The following DNER variants were observed in gnomAD, a reference collection of about 807,000 sequenced individuals.
The protein encoded by DNER is delta/notch like EGF repeat containing, also known as delta and Notch-like epidermal growth factor-related receptor.
In DNER, 33 loss-of-function variants were observed where a neutral mutation model predicts 78.2. The observed-to-expected ratio is 0.42, with a 90% CI of 0.32 to 0.56. The LOEUF (loss-of-function observed/expected upper bound fraction) is 0.56. Ranked by LOEUF, DNER falls within the 20% of genes least tolerant of loss-of-function variation. DNER has a pLI of 0.11. For missense variants in DNER, 918 were observed against 975.3 expected (o/e 0.94, Z 0.78); for synonymous variants, 417 against 384.8 (o/e 1.08, Z -0.98).
At chr2:229,581,670 T>A (rs370683224) in intron 4 of DNER, among the ~76,000 whole-genome samples, 6 of 152,128 alleles carry the variant, frequency 3.9e-5, no homozygotes, top group African/African-American at 1.4e-4. Context: ...CATAAAGAAA[T>A]GAACTGTAGT....
intron 11 of DNER, among the ~76,000 whole-genome samples, chr2:229,384,457 T>A (rs1329314432): frequency 6.6e-6 from 1 of 151,980 alleles, no homozygotes; most frequent in East Asian, 1.9e-4. Flanking sequence ...CTTCAAAAAA[T>A]CAAGGAATCC....
chr2:229,646,693 C>G (rs1211139613), intron 1 of DNER, among the ~76,000 whole-genome samples: 1 of 152,256 alleles, frequency 6.6e-6, no homozygotes, highest in Non-Finnish European at 1.5e-5. Context: ...GTTATTGGCA[C>G]AACCTTCTGA....
chr2:229,608,913 T>C (rs976587719), intron 1 of DNER, among the ~76,000 whole-genome samples: 2 of 152,216 alleles, frequency 1.3e-5, no homozygotes, highest in African/African-American at 2.4e-5. Context: ...TAGTTCATAA[T>C]AAAGATTTTA....
intron 8 of DNER, among the ~76,000 whole-genome samples, chr2:229,431,911 T>C (rs1380338441): frequency 6.6e-6 from 1 of 152,214 alleles, no homozygotes; most frequent in Non-Finnish European, 1.5e-5. Flanking sequence ...TAATAAAACA[T>C]AACATTCAAA....
chr2:229,403,661 G>A (rs1182040331), intron 10 of DNER, among the ~76,000 whole-genome samples: 1 of 152,132 alleles, frequency 6.6e-6, no homozygotes, highest in Non-Finnish European at 1.5e-5. Flanking sequence ...ACTTCAGTGA[G>A]TCCCACTGCG....
At chr2:229,525,010 C>G (rs983899417) in intron 5 of DNER, among the ~76,000 whole-genome samples, 3 of 152,210 alleles carry the variant, frequency 2.0e-5, no homozygotes, top group Non-Finnish European at 4.4e-5. Flanking sequence ...CTCCATGCAT[C>G]ACTCTGATGT....
rs572087154 is a variant in DNER, at chr2:229,440,017, A to G, written c.1486+7299T>C. On this transcript the variant is annotated intron_variant, in intron 8 of 12. Coordinates refer to ENST00000341772, the MANE Select transcript of DNER (RefSeq NM_139072.4). ...AGTGGTGGGAGCAGAAATCCCTTAC[A>G]ATTAAAGACCAGTTCATTAACGTTT... Among the ~76,000 whole-genome samples the G allele has an allele frequency of 5.9e-5, 9 of 152,326 alleles. No homozygotes were observed. In the South Asian group the frequency reaches 1.9e-3, roughly 32 times the overall value.
chr2:229,674,873 G>T lies in DNER; in HGVS notation c.276+39275C>A, dbSNP rs1205634491. ...CCTGAGACGTAAGGTCATACAGATTGCAAATGGTGACTTCTGTCTTCACTC... is the reference window on the plus strand; with the variant it reads ...CCTGAGACGTAAGGTCATACAGATTTCAAATGGTGACTTCTGTCTTCACTC... On this transcript the variant is annotated intron_variant, in intron 1 of 12. Coordinates refer to ENST00000341772, the MANE Select transcript of DNER (RefSeq NM_139072.4). Among the ~76,000 whole-genome samples, 5 of 152,196 alleles carry T rather than the reference G, an allele frequency of 3.3e-5. No homozygotes were observed. In the South Asian group the frequency reaches 1.0e-3, roughly 32 times the overall value.
intron 1 of DNER, among the ~76,000 whole-genome samples, chr2:229,616,094 AC>A (rs1467511934): frequency 4.6e-5 from 7 of 152,238 alleles, no homozygotes; most frequent in Non-Finnish European, 8.8e-5. Flanking sequence ...AAACTGATAA[AC>A]TTAAATTAAT....
intron 1 of DNER, among the ~76,000 whole-genome samples, chr2:229,711,175 G>C (rs1273354199): frequency 1.3e-5 from 2 of 152,208 alleles, no homozygotes; most frequent in East Asian, 1.9e-4. Context: ...GCACAGGGCA[G>C]GAGTTTGCAT....
intron 1 of DNER, among the ~76,000 whole-genome samples, chr2:229,699,675 C>A (rs1699712815): frequency 6.6e-6 from 1 of 152,148 alleles, no homozygotes; most frequent in Non-Finnish European, 1.5e-5. Flanking sequence ...TTTAATTGTA[C>A]ATTCTAAAGA....
chr2:229,484,076 C>A (rs1167642744), intron 6 of DNER, among the ~76,000 whole-genome samples: 1 of 152,110 alleles, frequency 6.6e-6, no homozygotes, highest in African/African-American at 2.4e-5. Flanking sequence ...ACCTCTGGAC[C>A]CTCCAAACTT....
At chr2:229,387,517 A>AAGAAAGAAAGAG (rs1692907458) in intron 11 of DNER, among the ~76,000 whole-genome samples, 1 of 84,522 alleles carries the variant, frequency 1.2e-5, no homozygotes, top group Admixed American at 1.3e-4. Context: ...GAGAGAAAGA[A>AAGAAAGAAAGAG]AGAAAGAAAG....
chr2:229,577,137 G>C (rs1697317008), intron 4 of DNER, among the ~76,000 whole-genome samples: 1 of 152,194 alleles, frequency 6.6e-6, no homozygotes, highest in African/African-American at 2.4e-5. Context: ...TATGCATTTA[G>C]AGGAGAATAT....
intron 1 of DNER, among the ~76,000 whole-genome samples, chr2:229,677,504 A>G (rs1436926606): frequency 2.0e-5 from 3 of 152,238 alleles, no homozygotes; most frequent in Non-Finnish European, 2.9e-5. Flanking sequence ...GAAGGAGTAG[A>G]AGCCAGGTGT....
At chr2:229,624,666 C>T (rs535813550) in intron 1 of DNER, among the ~76,000 whole-genome samples, 3 of 152,344 alleles carry the variant, frequency 2.0e-5, no homozygotes, top group Non-Finnish European at 2.9e-5. Context: ...AGATCAGGTA[C>T]GTTTGCCTGC....
chr2:229,660,405 A>G (rs957664022), intron 1 of DNER, among the ~76,000 whole-genome samples: 1 of 152,174 alleles, frequency 6.6e-6, no homozygotes, highest in African/African-American at 2.4e-5. Flanking sequence ...TAGTTTGCTA[A>G]GGATAGTGAC....
intron 6 of DNER, among the ~76,000 whole-genome samples, chr2:229,510,585 G>A (rs1695846501): frequency 6.6e-6 from 1 of 152,126 alleles, no homozygotes; most frequent in Non-Finnish European, 1.5e-5. Context: ...TGAAGAGAGA[G>A]GGAGAGGGAG....
Position 229,447,545 on chromosome 2 carries a change from G to T in DNER, c.1262-5C>A. The T allele has an allele frequency of 6.2e-7, 1 of 1,612,280 alleles. No individual in the cohort carries two copies. Among genetic ancestry groups the T allele is most frequent in the South Asian group, 1.1e-5 (1 of 90,830 alleles). Reference sequence around the variant, plus strand: ...CACAAGCAGATCCGAAGTATCCTGTGAAAAAACACATGAGAGCTTAAAAAA... The same window carrying T: ...CACAAGCAGATCCGAAGTATCCTGTTAAAAAACACATGAGAGCTTAAAAAA... On this transcript the variant is annotated splice_polypyrimidine_tract_variant and splice_region_variant and intron_variant, in intron 7 of 12. Coordinates refer to ENST00000341772, the MANE Select transcript of DNER (RefSeq NM_139072.4).
Sources: gnomAD v4.1 joint callset for allele counts (sites outside exome capture counted in the v4.1 genomes callset) on GRCh38, gnomAD v4.1.1 for gene constraint, MANE v1.5 for transcripts, NCBI Gene and HGNC (gene_info 2026-07-23, HGNC 2026-07-21) for gene names.